Variants in INPP5F observed in about 807,000 individuals in gnomAD.
INPP5F encodes the protein phosphatidylinositide 4-phosphatase SAC2.
A neutral mutation model predicts 137.2 loss-of-function variants in INPP5F; 97 were observed. That is an observed-to-expected ratio of 0.71 (90% CI 0.60 to 0.84). The LOEUF (loss-of-function observed/expected upper bound fraction) is 0.84. Among genes scored for constraint, INPP5F ranks in the 40% least tolerant of loss-of-function variants. The pLI is 0.00. For synonymous variants in INPP5F, 504 were observed against 476.9 expected, an observed-to-expected ratio of 1.06 and a Z score of -0.74; for missense variants, 1,271 against 1,371.9, an observed-to-expected ratio of 0.93 and a Z score of 1.16.
chr10:119,727,449 G>A (rs1378189275), intron 1 of INPP5F, among the ~76,000 whole-genome samples: 1 of 152,168 alleles, frequency 6.6e-6, no homozygotes, highest in Non-Finnish European at 1.5e-5. Flanking sequence ...TACAGGACAC[G>A]TGTGGGATCC....
intron 1 of INPP5F, 152 bp downstream of exon 1, chr10:119,726,511 C>A: frequency 3.1e-6 from 1 of 321,220 alleles, no homozygotes; most frequent in Non-Finnish European, 5.3e-6. Context: ...GTCATTATTC[C>A]CTGACTGGAA....
chr10:119,736,772 A>G (rs1485295384), intron 1 of INPP5F, among the ~76,000 whole-genome samples: 1 of 152,238 alleles, frequency 6.6e-6, no homozygotes, highest in African/African-American at 2.4e-5. Context: ...CATGATGATC[A>G]AAACTTTGTG....
At chr10:119,739,907 C>T (rs1041991718) in intron 1 of INPP5F, among the ~76,000 whole-genome samples, 6 of 152,114 alleles carry the variant, frequency 3.9e-5, no homozygotes, top group Non-Finnish European at 8.8e-5. Context: ...GTGTAAGCTA[C>T]CACACCCAGT....
chr10:119,789,536 G>A (rs566904517), intron 3 of INPP5F, among the ~76,000 whole-genome samples: 3 of 152,002 alleles, frequency 2.0e-5, no homozygotes, highest in Non-Finnish European at 4.4e-5. Context: ...AGTGATGGTC[G>A]TGAAAGCTCC....
In INPP5F at chr10:119,827,328, C is replaced by A. The variant is rs375509513; in HGVS notation, c.2947C>A (p.Gln983Lys). The A allele has an allele frequency of 9.9e-6, 16 of 1,613,958 alleles. No individual in the cohort carries two copies. Among genetic ancestry groups the A allele is most frequent in the Non-Finnish European group, 1.4e-5 (16 of 1,179,980 alleles). The stretch of plus-strand genomic sequence containing the variant: ...ATCAGAGACCAGATCTGTGTCTCAG[C>A]AGGCTAGTCAGGAAAGAAATCAAAT... ...HLSETRSVSQ[Q>K]ASQERNQMTN... is the part of the protein sequence containing the mutation. The change falls in exon 20 of 20, where the codon CAG becomes AAG. Residue 983 changes from glutamine to lysine, a missense_variant. Physicochemically the swap from Gln to Lys is moderately conservative, Grantham distance 53 (BLOSUM62 1). Coordinates refer to ENST00000650623, the MANE Select transcript of INPP5F (RefSeq NM_014937.4).
intron 2 of INPP5F, among the ~76,000 whole-genome samples, chr10:119,761,676 A>C (rs1024739740): frequency 6.6e-6 from 1 of 152,010 alleles, no homozygotes; most frequent in African/African-American, 2.4e-5. Flanking sequence ...ATTTAAATTC[A>C]TGCATAAATG....
chr10:119,738,380 A>G (rs1318553171), intron 1 of INPP5F, among the ~76,000 whole-genome samples: 1 of 152,158 alleles, frequency 6.6e-6, no homozygotes, highest in East Asian at 1.9e-4. Context: ...TCTGAAGGAA[A>G]GATTAGAAAA....
chr10:119,744,941 T>A (rs1848487465), intron 1 of INPP5F, among the ~76,000 whole-genome samples: 1 of 152,220 alleles, frequency 6.6e-6, no homozygotes, highest in Non-Finnish European at 1.5e-5. Flanking sequence ...CGACTACTAA[T>A]GACTATTGTT....
intron 1 of INPP5F, among the ~76,000 whole-genome samples, chr10:119,728,923 C>T (rs775415688): frequency 3.8e-4 from 58 of 152,272 alleles, no homozygotes; most frequent in Non-Finnish European, 6.3e-4. Flanking sequence ...ACTTCTTCCC[C>T]GGTGGGAAGT....
At chr10:119,783,810 C>T (rs1231178133) in intron 3 of INPP5F, among the ~76,000 whole-genome samples, 1 of 152,184 alleles carries the variant, frequency 6.6e-6, no homozygotes, top group African/African-American at 2.4e-5. Flanking sequence ...AGCTGTTGGG[C>T]TGTACAGTAT....
intron 2 of INPP5F, among the ~76,000 whole-genome samples, chr10:119,758,016 C>A (rs1212206546): frequency 2.0e-5 from 3 of 152,106 alleles, no homozygotes; most frequent in African/African-American, 7.2e-5. Context: ...TATGGAGTAC[C>A]TACTGTGTCC....
chr10:119,790,824 T>G (rs1850114278), intron 3 of INPP5F, among the ~76,000 whole-genome samples: 1 of 152,264 alleles, frequency 6.6e-6, no homozygotes, highest in South Asian at 2.1e-4. Context: ...TCAGGTAGCC[T>G]TCTTTAGAAC....
chr10:119,745,728 G>A (rs957257580), intron 1 of INPP5F, among the ~76,000 whole-genome samples: 3 of 101,778 alleles, frequency 2.9e-5, no homozygotes, highest in African/African-American at 3.8e-5. Context: ...TTTTTGAGAT[G>A]AAGCCTCACT....
chr10:119,748,672 C>T lies in INPP5F; in HGVS notation c.98-2404C>T, dbSNP rs942863967. On this transcript the variant is annotated intron_variant, in intron 1 of 19. Transcript: ENST00000650623. This position sits in a 1 kb window ranked among gnomAD's most constrained non-coding sequence, Gnocchi z 4.7. ...GCTGGTGGTCTGGACATCTGTGAGT[C>T]TGGCTGAGTCCGGGATTTTTAATGG... Among the ~76,000 whole-genome samples, 2 of 152,158 alleles carry T rather than the reference C, an allele frequency of 1.3e-5. No homozygotes were observed. Among genetic ancestry groups the T allele is most frequent in the Non-Finnish European group, 2.9e-5 (2 of 68,034 alleles).
chr10:119,788,809 C>T lies in INPP5F; in HGVS notation c.316-2708C>T, dbSNP rs191354432. ...CTAACCTTGAAGAGAACAATGGACT[C>T]GGTCTTTCTGAGTGAGGAAAACCTG... On this transcript the variant is annotated intron_variant, in intron 3 of 19. Coordinates refer to ENST00000650623, the MANE Select transcript of INPP5F (RefSeq NM_014937.4). Among the ~76,000 whole-genome samples, 94 of 152,340 alleles carry T rather than the reference C, an allele frequency of 6.2e-4. No homozygotes were observed. The South Asian group carries it at 7.7e-3, about 12-fold the overall frequency.
rs548835182 is a variant in INPP5F, at chr10:119,795,570, C to T, written c.670-1145C>T. Among the ~76,000 whole-genome samples the T allele has an allele frequency of 4.4e-4, 67 of 151,524 alleles. 1 individual carries two copies. Among genetic ancestry groups the T allele is most frequent in the Non-Finnish European group, 8.8e-4 (60 of 67,868 alleles). On this transcript the variant is annotated intron_variant, in intron 6 of 19. Coordinates refer to ENST00000650623, the MANE Select transcript of INPP5F (RefSeq NM_014937.4). ...CTTCCTAGATGGGATGGCGGCCGGG[C>T]AGAGACGCTCCTCACTTTCCAGACT...
At chr10:119,746,510 G>C (rs566347529) in intron 1 of INPP5F, among the ~76,000 whole-genome samples, 1 of 152,242 alleles carries the variant, frequency 6.6e-6, no homozygotes, top group South Asian at 2.1e-4. Flanking sequence ...TCACTATTTG[G>C]AAAGAAATCA....
chr10:119,800,301 A>G lies in INPP5F; in HGVS notation c.1116+1691A>G, dbSNP rs1032024825. On this transcript the variant is annotated intron_variant, in intron 9 of 19. Coordinates refer to ENST00000650623, the MANE Select transcript of INPP5F (RefSeq NM_014937.4). ...CTGGGCGTGGTGGCTCACGCCTGTAATCCCAGCACTTTGGGAGGCCAACGT... is the reference window on the plus strand; with the variant it reads ...CTGGGCGTGGTGGCTCACGCCTGTAGTCCCAGCACTTTGGGAGGCCAACGT... Among the ~76,000 whole-genome samples the G allele has an allele frequency of 2.6e-5, 4 of 151,858 alleles. No homozygotes were observed. In the East Asian group the frequency reaches 7.7e-4, roughly 29 times the overall value.
chr10:119,750,583 T>A (rs886576888), intron 1 of INPP5F, among the ~76,000 whole-genome samples: 3 of 152,266 alleles, frequency 2.0e-5, no homozygotes, highest in Non-Finnish European at 4.4e-5. Context: ...AAACAGTTCC[T>A]ATTGTATTTG....
Sources: gnomAD v4.1 joint callset for allele counts (sites outside exome capture counted in the v4.1 genomes callset) on GRCh38, gnomAD v4.1.1 for gene constraint, Gnocchi (gnomAD v3.1) non-coding constraint, MANE v1.5 for transcripts, NCBI Gene and HGNC (gene_info 2026-07-23, HGNC 2026-07-21) for gene names.